The following ASTN2 variants were observed in gnomAD, a reference collection of about 807,000 sequenced individuals.
The protein encoded by ASTN2 is astrotactin 2, also known as astrotactin-2.
Under a neutral mutation model 139.8 loss-of-function variants are expected in ASTN2, and 54 were observed. The ratio of observed to expected loss-of-function variants is 0.39; its 90% CI spans 0.31 to 0.48. ASTN2 has a LOEUF of 0.48. ASTN2 is among the 20% of genes least tolerant of loss of function. The pLI is 0.95. For missense variants in ASTN2, 1,565 were observed against 1,725.1 expected, an observed-to-expected ratio of 0.91 and a Z score of 1.64; for synonymous variants, 756 against 719.5, an observed-to-expected ratio of 1.05 and a Z score of -0.81.
intron 19 of ASTN2, among the ~76,000 whole-genome samples, chr9:116,598,443 A>C: frequency 6.6e-6 from 1 of 152,198 alleles, no homozygotes; most frequent in East Asian, 1.9e-4. Context: ...GGGTTGGCTT[A>C]ACTGATCTGT....
chr9:117,203,271 G>A (rs188535849), intron 3 of ASTN2, among the ~76,000 whole-genome samples: 1 of 151,876 alleles, frequency 6.6e-6, no homozygotes, highest in South Asian at 2.1e-4. Context: ...TCTTTGCATT[G>A]TGTTAGAACA....
At chr9:116,718,250 A>G (rs373120092) in intron 16 of ASTN2, among the ~76,000 whole-genome samples, 20 of 152,214 alleles carry the variant, frequency 1.3e-4, no homozygotes, top group East Asian at 3.9e-4. Context: ...CCAAGTGACA[A>G]AAGGATTGCA....
chr9:116,845,436 G>A (rs558331257), intron 11 of ASTN2, among the ~76,000 whole-genome samples: 5 of 152,216 alleles, frequency 3.3e-5, no homozygotes, highest in South Asian at 4.2e-4. Flanking sequence ...GAGAGTTCCC[G>A]ACTTCAGGAA....
chr9:116,832,940 T>TTTTTTTTATTTATTTATTTATTTATTTA (rs1554752212), intron 11 of ASTN2, among the ~76,000 whole-genome samples: 1 of 149,822 alleles, frequency 6.7e-6, no homozygotes, highest in South Asian at 2.1e-4. Flanking sequence ...TTTTGTTTTG[T>TTTTTTTTATTTATTTATTTATTTATTTA]TTTATTTATT....
At chr9:117,354,950 A>G (rs1213087702) in intron 1 of ASTN2, among the ~76,000 whole-genome samples, 1 of 152,176 alleles carries the variant, frequency 6.6e-6, no homozygotes, top group Non-Finnish European at 1.5e-5. Flanking sequence ...ACACATCTAT[A>G]CTATTTATAA....
Position 116,883,294 on chromosome 9 carries a change from T to A in ASTN2, c.1890-19561A>T, listed in dbSNP as rs888365037. The stretch of plus-strand genomic sequence containing the variant: ...AAAGGCAAGAAAAATTATATCGATA[T>A]AAACACATGAATGCACATGCCCATA... On this transcript the variant is annotated intron_variant, in intron 10 of 22. Coordinates refer to ENST00000313400, the MANE Select transcript of ASTN2 (RefSeq NM_001365068.1). Among the ~76,000 whole-genome samples the A allele has an allele frequency of 7.2e-5, 11 of 152,272 alleles. No homozygotes were observed. In the East Asian group the frequency reaches 1.7e-3, roughly 24 times the overall value.
chr9:117,236,697 C>G (rs1307870128), intron 2 of ASTN2, among the ~76,000 whole-genome samples: 1 of 152,082 alleles, frequency 6.6e-6, no homozygotes, highest in Non-Finnish European at 1.5e-5. Flanking sequence ...ATGGTGAGCC[C>G]CATTTCCTAA....
intron 1 of ASTN2, among the ~76,000 whole-genome samples, chr9:117,330,232 A>G (rs1184786194): frequency 6.6e-6 from 1 of 152,170 alleles, no homozygotes; most frequent in Non-Finnish European, 1.5e-5. Context: ...CCAAAGAGGG[A>G]ACAATTCTCA....
At chr9:117,137,710 C>CT (rs112841469) in intron 4 of ASTN2, among the ~76,000 whole-genome samples, 4,886 of 146,056 alleles carry the variant, frequency 0.033, 257 homozygotes, top group African/African-American at 0.11. Flanking sequence ...AATTTCCAAA[C>CT]TTTTTTTTTT....
chr9:116,500,208 G>T (rs1849807456), intron 19 of ASTN2, among the ~76,000 whole-genome samples: 1 of 152,040 alleles, frequency 6.6e-6, no homozygotes, highest in East Asian at 1.9e-4. Context: ...TCTTTCCACT[G>T]CCCTCTCCTT....
At chr9:117,079,925 T>C (rs112811368) in intron 5 of ASTN2, among the ~76,000 whole-genome samples, 4,183 of 152,294 alleles carry the variant, frequency 0.027, 50 homozygotes, top group African/African-American at 0.096. Context: ...TATTATTTCA[T>C]TACAATCTTG....
At chr9:117,043,217 A>T (rs935804474) in intron 5 of ASTN2, among the ~76,000 whole-genome samples, 47 of 152,176 alleles carry the variant, frequency 3.1e-4, no homozygotes, top group Non-Finnish European at 5.9e-4. Flanking sequence ...TTCTGGGGGA[A>T]AAATATGTAA....
In ASTN2 at chr9:116,699,338, C is replaced by G; in HGVS notation, c.2806+26433G>C. The G allele has an allele frequency of 6.2e-7, 1 of 1,614,198 alleles. No individual in the cohort carries two copies. The highest frequency in any genetic ancestry group is 8.5e-7 in the Non-Finnish European group (1 of 1,180,036). On this transcript the variant is annotated intron_variant, in intron 16 of 22. Transcript: ENST00000313400. The surrounding 1 kb of genome is among the most constrained non-coding windows in gnomAD (Gnocchi z 4.2). Reference sequence around the variant, plus strand: ...AGGGCACCGTCTACTTCACCCAGGGCTTAGGCCTCAATCTGGAGAATCGGC... The same window carrying G: ...AGGGCACCGTCTACTTCACCCAGGGGTTAGGCCTCAATCTGGAGAATCGGC...
chr9:116,569,424 A>G (rs1054467165), intron 19 of ASTN2, among the ~76,000 whole-genome samples: 4 of 152,262 alleles, frequency 2.6e-5, no homozygotes, highest in Non-Finnish European at 4.4e-5. Context: ...CAATCAAAAC[A>G]CAGCAGTAAT....
At chr9:117,403,793 T>A (rs1329071709) in intron 1 of ASTN2, among the ~76,000 whole-genome samples, 1 of 152,118 alleles carries the variant, frequency 6.6e-6, no homozygotes, top group Non-Finnish European at 1.5e-5. Context: ...ACTCAGTCTC[T>A]AAGAGCTCTT....
At chr9:116,839,890 T>A (rs1337310614) in intron 11 of ASTN2, among the ~76,000 whole-genome samples, 92 of 105,698 alleles carry the variant, frequency 8.7e-4, no homozygotes, top group Middle Eastern at 4.4e-3. Flanking sequence ...TATTTTTTTT[T>A]TTTTAATTGA....
intron 13 of ASTN2, among the ~76,000 whole-genome samples, chr9:116,771,041 T>C (rs1326897237): frequency 2.6e-5 from 4 of 152,234 alleles, no homozygotes; most frequent in Non-Finnish European, 4.4e-5. Flanking sequence ...TTTTCTGCTT[T>C]ATTCATCTGC....
intron 3 of ASTN2, among the ~76,000 whole-genome samples, chr9:117,178,592 G>A (rs1413315240): frequency 6.6e-6 from 1 of 152,162 alleles, no homozygotes; most frequent in Admixed American, 6.5e-5. Flanking sequence ...CAATGGATAA[G>A]CGCTCAGAGG....
chr9:117,177,082 C>T (rs1336384141), intron 3 of ASTN2, among the ~76,000 whole-genome samples: 1 of 152,156 alleles, frequency 6.6e-6, no homozygotes, highest in East Asian at 1.9e-4. Context: ...GGCCAAAGAA[C>T]AGTAATCCTG....
Sources: gnomAD v4.1 joint callset for allele counts (sites outside exome capture counted in the v4.1 genomes callset) on GRCh38, gnomAD v4.1.1 for gene constraint, Gnocchi (gnomAD v3.1) non-coding constraint, MANE v1.5 for transcripts, NCBI Gene and HGNC (gene_info 2026-07-23, HGNC 2026-07-21) for gene names.